The following STXBP5L variants were observed in gnomAD, a reference collection of about 807,000 sequenced individuals.
STXBP5L encodes the protein syntaxin binding protein 5L.
Under a neutral mutation model 144.5 loss-of-function variants are expected in STXBP5L, and 65 were observed. The observed-to-expected ratio is 0.45, with a 90% CI of 0.37 to 0.55. STXBP5L has a LOEUF of 0.55. Among genes scored for constraint, STXBP5L ranks in the 20% least tolerant of loss-of-function variants. The pLI is 0.00. For missense variants in STXBP5L, 1,298 were observed against 1,405.5 expected (o/e 0.92, Z 1.22); for synonymous variants, 505 against 469.6 (o/e 1.08, Z -0.97).
chr3:121,344,345 A>T (rs1030704820), intron 20 of STXBP5L, among the ~76,000 whole-genome samples: 1 of 152,182 alleles, frequency 6.6e-6, no homozygotes, highest in Non-Finnish European at 1.5e-5. Context: ...ATGGGCAAGG[A>T]CTTCGTGTGT....
At chr3:121,317,638 T>A (rs549142472) in intron 19 of STXBP5L, among the ~76,000 whole-genome samples, 3 of 152,178 alleles carry the variant, frequency 2.0e-5, no homozygotes, top group Non-Finnish European at 4.4e-5. Context: ...TCTGTGAGAC[T>A]TTCTAACAAA....
intron 20 of STXBP5L, among the ~76,000 whole-genome samples, chr3:121,346,622 T>C (rs1348401333): frequency 2.0e-5 from 3 of 152,192 alleles, no homozygotes; most frequent in Admixed American, 2.0e-4. Flanking sequence ...TGTTGTTTCC[T>C]GACTTTTTAA....
chr3:121,002,701 C>T (rs925906874), intron 3 of STXBP5L, among the ~76,000 whole-genome samples: 5 of 151,184 alleles, frequency 3.3e-5, no homozygotes, highest in African/African-American at 7.3e-5. Context: ...GCAATCCCTC[C>T]CCCAGCCCCC....
At chr3:121,068,025 T>C (rs1368836202) in intron 5 of STXBP5L, among the ~76,000 whole-genome samples, 1 of 152,234 alleles carries the variant, frequency 6.6e-6, no homozygotes, top group Non-Finnish European at 1.5e-5. Context: ...AATTTTTCTT[T>C]TTTGAGACGG....
chr3:120,978,807 C>T (rs570685169), intron 3 of STXBP5L, among the ~76,000 whole-genome samples: 2 of 152,282 alleles, frequency 1.3e-5, no homozygotes, highest in African/African-American at 4.8e-5. Flanking sequence ...GCTAGAGGTC[C>T]ACTCCAGACC....
intron 5 of STXBP5L, among the ~76,000 whole-genome samples, chr3:121,106,014 AATTT>A (rs1466635094): frequency 6.6e-6 from 1 of 152,172 alleles, no homozygotes; most frequent in Non-Finnish European, 1.5e-5. Flanking sequence ...AAGTGAGAAA[AATTT>A]ATTTATTTTG....
At chr3:120,909,544 C>CT in intron 1 of STXBP5L, 27 bp from the exon 2 acceptor site, 5 of 1,597,818 alleles carry the variant, frequency 3.1e-6, no homozygotes, top group Non-Finnish European at 4.3e-6. Flanking sequence ...ACCTCTTTCC[C>CT]TTTTTTTCCT....
chr3:121,007,598 C>T (rs957431603), intron 3 of STXBP5L, among the ~76,000 whole-genome samples: 1 of 151,864 alleles, frequency 6.6e-6, no homozygotes, highest in African/African-American at 2.4e-5. Context: ...ATGAGATATT[C>T]AACTCTGTTA....
chr3:121,378,581 G>T (rs2046249741), intron 20 of STXBP5L, 135 bp from the exon 21 acceptor site: 1 of 1,024,380 alleles, frequency 9.8e-7, no homozygotes. Flanking sequence ...AAAAGAACAA[G>T]GACTTAACTA....
At chr3:120,990,489 C>G (rs1324299690) in intron 3 of STXBP5L, among the ~76,000 whole-genome samples, 6 of 152,086 alleles carry the variant, frequency 3.9e-5, no homozygotes, top group Non-Finnish European at 8.8e-5. Context: ...AAAAAGAGCC[C>G]ACATCGCCAA....
At chr3:121,392,975 A>G (rs1362841251) in intron 22 of STXBP5L, among the ~76,000 whole-genome samples, 1 of 151,730 alleles carries the variant, frequency 6.6e-6, no homozygotes, top group Non-Finnish European at 1.5e-5. Context: ...ATCAAAAGAT[A>G]GTTTTATTTT....
chr3:121,036,939 T>G (rs963248207), intron 3 of STXBP5L, among the ~76,000 whole-genome samples: 4 of 151,808 alleles, frequency 2.6e-5, no homozygotes, highest in Admixed American at 2.6e-4. Context: ...AAATATATAT[T>G]TTTTAGAGAT....
At chr3:121,165,656 A>G (rs1450000060) in intron 9 of STXBP5L, among the ~76,000 whole-genome samples, 1 of 152,126 alleles carries the variant, frequency 6.6e-6, no homozygotes, top group African/African-American at 2.4e-5. Flanking sequence ...AAGGAAAAAA[A>G]GGGAAACAAG....
chr3:120,954,159 T>C (rs113208711), intron 2 of STXBP5L, among the ~76,000 whole-genome samples: 14 of 152,168 alleles, frequency 9.2e-5, no homozygotes, highest in African/African-American at 3.4e-4. Flanking sequence ...CTTTACCCTT[T>C]AACACCTCCG....
chr3:121,244,560 GA>G, intron 14 of STXBP5L, among the ~76,000 whole-genome samples: 1 of 151,844 alleles, frequency 6.6e-6, no homozygotes, highest in Non-Finnish European at 1.5e-5. Context: ...GAAAGAAATG[GA>G]AATTCAAATT....
chr3:120,928,976 G>A (rs913118414), intron 2 of STXBP5L, among the ~76,000 whole-genome samples: 19 of 152,106 alleles, frequency 1.2e-4, no homozygotes, highest in Middle Eastern at 6.3e-3. Context: ...AGTCCCAAAC[G>A]CAGGCAGAAG....
chr3:121,005,667 C>T lies in STXBP5L; in HGVS notation c.288-36033C>T, dbSNP rs557696600. On this transcript the variant is annotated intron_variant, in intron 3 of 26. Coordinates refer to ENST00000471454, the MANE Select transcript of STXBP5L (RefSeq NM_001308330.2). ...TTAGGGTGTCAATTTTGGATCTTTC[C>T]TGCTTTCTCTTGTGGGCGTTTAGTG... is the stretch of plus-strand genomic sequence containing the variant. 3.9e-5 allele frequency among the ~76,000 whole-genome samples: 6 copies of T among 152,178 alleles called. 1 individual carries two copies. In the South Asian group the frequency reaches 6.2e-4, roughly 16 times the overall value.
At chr3:121,238,181 TA>T (rs1213985692) in intron 12 of STXBP5L, among the ~76,000 whole-genome samples, 1 of 152,238 alleles carries the variant, frequency 6.6e-6, no homozygotes, top group Non-Finnish European at 1.5e-5. Flanking sequence ...GCTAGTAATT[TA>T]TTTTTTTTCA....
At chr3:121,013,019 C>T (rs1044034397) in intron 3 of STXBP5L, among the ~76,000 whole-genome samples, 2 of 32,100 alleles carry the variant, frequency 6.2e-5, no homozygotes, top group African/African-American at 1.3e-4. Context: ...GCAATGGACA[C>T]GATTTTATTC....
Sources: allele counts gnomAD v4.1 joint callset (sites outside exome capture counted in the v4.1 genomes callset), GRCh38; gene constraint gnomAD v4.1.1; transcripts MANE v1.5; gene names NCBI Gene and HGNC (gene_info 2026-07-23, HGNC 2026-07-21).